PHF24: variants seen among roughly 807,000 people sequenced by gnomAD.
PHF24 encodes Galpha inhibitory interacting protein.
Under a neutral mutation model 42.6 loss-of-function variants are expected in PHF24, and 25 were observed. That is an observed-to-expected ratio of 0.59 (90% CI 0.43 to 0.82). The LOEUF (loss-of-function observed/expected upper bound fraction) is 0.82, where lower values mean the gene tolerates loss of function less well. PHF24 is among the 40% of genes least tolerant of loss of function. The pLI, the probability that PHF24 is intolerant of heterozygous loss-of-function variation, is 0.00. For missense variants in PHF24, 470 were observed against 538.1 expected, an observed-to-expected ratio of 0.87 and a Z score of 1.25; for synonymous variants, 185 against 204.8, an observed-to-expected ratio of 0.90 and a Z score of 0.83.
the PHF24 span, among the ~76,000 whole-genome samples, chr9:34,809,338 A>T: frequency 6.6e-6 from 1 of 152,184 alleles, no homozygotes; most frequent in Admixed American, 6.5e-5. The surrounding 1 kb of genome is among the most constrained non-coding windows in gnomAD (Gnocchi z 4.1). Flanking sequence ...TCAGTGGCTT[A>T]ATTATTTTTG....
chr9:34,739,048 T>G, the PHF24 span, among the ~76,000 whole-genome samples: 2 of 152,220 alleles, frequency 1.3e-5, no homozygotes, highest in Non-Finnish European at 2.9e-5. Flanking sequence ...TCATGTACCA[T>G]GATTCTGGGT....
the PHF24 span, among the ~76,000 whole-genome samples, chr9:34,702,098 C>A: frequency 6.6e-6 from 1 of 152,102 alleles, no homozygotes; most frequent in Non-Finnish European, 1.5e-5. Flanking sequence ...AGGGCTATAG[C>A]CTGACATGGG....
chr9:34,810,522 A>G, the PHF24 span, among the ~76,000 whole-genome samples: 3 of 152,098 alleles, frequency 2.0e-5, no homozygotes, highest in Non-Finnish European at 2.9e-5. Context: ...CTGGGAACAT[A>G]GGGGAGCTGC....
At chr9:34,885,780 A>G in the PHF24 span, among the ~76,000 whole-genome samples, 1 of 151,796 alleles carries the variant, frequency 6.6e-6, no homozygotes, top group African/African-American at 2.4e-5. Context: ...CAGTGTTCCA[A>G]GAGCACCTGC....
the PHF24 span, among the ~76,000 whole-genome samples, chr9:34,920,130 A>T: frequency 6.6e-6 from 1 of 152,204 alleles, no homozygotes; most frequent in Non-Finnish European, 1.5e-5. Context: ...AGGAACCTCC[A>T]TACAGTTCTC....
chr9:34,716,583 T>TGTTTTGTTTG, the PHF24 span, among the ~76,000 whole-genome samples: 1 of 151,680 alleles, frequency 6.6e-6, no homozygotes, highest in Non-Finnish European at 1.5e-5. Flanking sequence ...TGTTTTGTTT[T>TGTTTTGTTTG]GTTTTGTTTT....
At chr9:34,938,953 AAGCCATGAGCGTGATTT>A in the PHF24 span, among the ~76,000 whole-genome samples, 1 of 146,542 alleles carries the variant, frequency 6.8e-6, no homozygotes, top group East Asian at 2.0e-4. Flanking sequence ...AAAAAAAAAA[AAGCCATGAGCGTGATTT>A]ATTTAAAAAA....
chr9:34,866,948 T>C, the PHF24 span, among the ~76,000 whole-genome samples: 1 of 152,238 alleles, frequency 6.6e-6, no homozygotes, highest in Non-Finnish European at 1.5e-5. Context: ...TTTTGGGTTT[T>C]TCAAGTACTG....
chr9:34,720,414 C>T, the PHF24 span, among the ~76,000 whole-genome samples: 390 of 148,954 alleles, frequency 2.6e-3, 1 homozygote, highest in African/African-American at 9.4e-3. Context: ...CACTGCAGCC[C>T]GCAGTCCGGC....
chr9:34,931,625 C>T, the PHF24 span, among the ~76,000 whole-genome samples: 1 of 152,046 alleles, frequency 6.6e-6, no homozygotes. Flanking sequence ...TGGCCCCTCC[C>T]CCTTCTTTCC....
At chr9:34,824,447 A>G in the PHF24 span, among the ~76,000 whole-genome samples, 1 of 152,226 alleles carries the variant, frequency 6.6e-6, no homozygotes, top group Non-Finnish European at 1.5e-5. Context: ...AGTTAGAATT[A>G]TGCTTAGAAC....
At chr9:34,816,206 A>G in the PHF24 span, among the ~76,000 whole-genome samples, 1 of 152,136 alleles carries the variant, frequency 6.6e-6, no homozygotes, top group African/African-American at 2.4e-5. Flanking sequence ...CTGAAAATAC[A>G]GCTGATCCAG....
At chr9:34,847,094 G>C in the PHF24 span, among the ~76,000 whole-genome samples, 1 of 152,048 alleles carries the variant, frequency 6.6e-6, no homozygotes, top group African/African-American at 2.4e-5. Context: ...CTCTTTTTTG[G>C]TTCCATATGA....
At chr9:34,827,552 C>CCTA in the PHF24 span, among the ~76,000 whole-genome samples, 4 of 292 alleles carry the variant, frequency 0.014, no homozygotes, top group Non-Finnish European at 0.095. Context: ...AGTACTGCCA[C>CCTA]CTCCTCCTCA....
the PHF24 span, chr9:34,833,151 G>A: frequency 8.4e-6 from 13 of 1,551,082 alleles, no homozygotes; most frequent in African/African-American, 6.8e-5. Context: ...GTTTCCTCTG[G>A]GTCCTCTCTG....
At chr9:34,913,688 T>G in the PHF24 span, among the ~76,000 whole-genome samples, 4 of 152,160 alleles carry the variant, frequency 2.6e-5, no homozygotes, top group Admixed American at 2.6e-4. Context: ...TTGTGGATTT[T>G]GCGGTAGAAA....
chr9:34,844,220 G>T, the PHF24 span, among the ~76,000 whole-genome samples: 8 of 151,584 alleles, frequency 5.3e-5, no homozygotes, highest in Middle Eastern at 3.4e-3. Flanking sequence ...TGTCAATTTT[G>T]TTTCTTTTCA....
chr9:34,669,971 T>C, the PHF24 span, among the ~76,000 whole-genome samples: 1 of 152,092 alleles, frequency 6.6e-6, no homozygotes, highest in Non-Finnish European at 1.5e-5. Flanking sequence ...GGAGATTGAA[T>C]TCAGGTATGT....
the PHF24 span, among the ~76,000 whole-genome samples, chr9:34,827,818 A>T: frequency 6.6e-6 from 1 of 150,890 alleles, no homozygotes; most frequent in Non-Finnish European, 1.5e-5. Context: ...CACCCATATA[A>T]CCTCCTTGGT....
Sources: allele counts gnomAD v4.1 joint callset (sites outside exome capture counted in the v4.1 genomes callset), GRCh38; gene constraint gnomAD v4.1.1; non-coding constraint Gnocchi (gnomAD v3.1); transcripts MANE v1.5; gene names NCBI Gene and HGNC (gene_info 2026-07-23, HGNC 2026-07-21).